Variants in SCOC observed in about 807,000 individuals in gnomAD.
SCOC encodes short coiled-coil protein, also known as short coiled coil protein.
Under a neutral mutation model 9.9 loss-of-function variants are expected in SCOC, and 7 were observed. That is an observed-to-expected ratio of 0.71 (90% CI 0.40 to 1.33). The LOEUF is 1.33. Among genes scored for constraint, SCOC ranks in the 40% most tolerant of loss-of-function variants. SCOC has a pLI of 0.01. For missense variants in SCOC, 66 were observed against 89.7 expected (o/e 0.74, Z 1.07); for synonymous variants, 19 against 28.2 (o/e 0.67, Z 1.03).
At chr4:140,312,493 G>T (rs1039986) in intron 1 of SCOC, among the ~76,000 whole-genome samples, 22,905 of 152,006 alleles carry the variant, frequency 0.15, 2,322 homozygotes, top group East Asian at 0.35. Context: ...CAGTGGTGCC[G>T]TTATAGCTCA....
intron 2 of SCOC, among the ~76,000 whole-genome samples, chr4:140,363,359 A>C (rs1367024980): frequency 6.6e-6 from 1 of 152,184 alleles, no homozygotes; most frequent in Non-Finnish European, 1.5e-5. Context: ...TTTTTCAGTA[A>C]ATATAATGGA....
intron 1 of SCOC, among the ~76,000 whole-genome samples, chr4:140,296,121 C>A (rs954743677): frequency 6.6e-6 from 1 of 152,082 alleles, no homozygotes; most frequent in Non-Finnish European, 1.5e-5. Flanking sequence ...ACTCACTGCT[C>A]CAGGCACGTT....
At chr4:140,266,741 C>A (rs77524101) in intron 1 of SCOC, among the ~76,000 whole-genome samples, 3,339 of 152,118 alleles carry the variant, frequency 0.022, 136 homozygotes, top group African/African-American at 0.076. Flanking sequence ...TCTATAATTA[C>A]GCTGTATTCA....
At chr4:140,373,922 T>G (rs1728197747) in intron 1 of SCOC, 1 of 705,874 alleles carries the variant, frequency 1.4e-6, no homozygotes, top group African/African-American at 1.7e-5. Flanking sequence ...CTTTTTCTCC[T>G]GTTTTCGTTG....
intron 2 of SCOC, among the ~76,000 whole-genome samples, chr4:140,345,638 A>G (rs1726705761): frequency 6.6e-6 from 1 of 152,234 alleles, no homozygotes; most frequent in Non-Finnish European, 1.5e-5. Context: ...GCAAAAGTAA[A>G]GCATTAAAAA....
At chr4:140,299,727 A>G (rs1288180993) in intron 1 of SCOC, among the ~76,000 whole-genome samples, 1 of 152,236 alleles carries the variant, frequency 6.6e-6, no homozygotes, top group South Asian at 2.1e-4. Flanking sequence ...AAAAATTTAG[A>G]GCAGTAGTCA....
At chr4:140,324,323 C>T (rs11100613) in intron 1 of SCOC, among the ~76,000 whole-genome samples, 30,944 of 152,030 alleles carry the variant, frequency 0.2, 3,904 homozygotes, top group African/African-American at 0.35. Context: ...CTGACTATCC[C>T]CAATCAACAC....
intron 1 of SCOC, among the ~76,000 whole-genome samples, chr4:140,375,703 A>G (rs191902764): frequency 1.3e-5 from 2 of 152,182 alleles, no homozygotes. Context: ...TATTCTCTCT[A>G]TGCGTTCTGC....
chr4:140,290,985 C>T (rs1731453690), intron 1 of SCOC, among the ~76,000 whole-genome samples: 1 of 152,200 alleles, frequency 6.6e-6, no homozygotes, highest in Admixed American at 6.5e-5. Context: ...ATGGCATAAC[C>T]TTGTTCCAGA....
At chr4:140,280,725 A>C (rs1224992177) in intron 1 of SCOC, among the ~76,000 whole-genome samples, 1 of 152,234 alleles carries the variant, frequency 6.6e-6, no homozygotes, top group Non-Finnish European at 1.5e-5. Context: ...ACCTTATAAA[A>C]TTCATCATGA....
chr4:140,362,623 C>G (rs980875953), intron 2 of SCOC: 4 of 151,836 alleles, frequency 2.6e-5, no homozygotes, highest in African/African-American at 9.7e-5. Context: ...AGGGTTTGGT[C>G]AAATAGTGGA....
Position 140,333,351 on chromosome 4 carries a change from G to GTA in SCOC, c.-18-10262_-18-10261dup, listed in dbSNP as rs776707598. ...GTGTGTTTAGGTATACATACATGTG[G>GTA]TATATATATTTGTATATACATATAA... is the stretch of plus-strand genomic sequence containing the variant. On this transcript the variant is annotated intron_variant, in intron 1 of 4. Coordinates refer to the SCOC transcript ENST00000394205. Among the ~76,000 whole-genome samples, 110 of 151,858 alleles carry GTA rather than the reference G, an allele frequency of 7.2e-4. 1 individual carries two copies. The highest frequency in any genetic ancestry group is 9.9e-4 in the Non-Finnish European group (67 of 67,960).
At chr4:140,301,578 G>T (rs1041550300) in intron 1 of SCOC, among the ~76,000 whole-genome samples, 1 of 152,154 alleles carries the variant, frequency 6.6e-6, no homozygotes, top group African/African-American at 2.4e-5. Context: ...CACCAGCAAC[G>T]TTCTGGACCT....
chr4:140,333,769 T>A (rs1257957833), intron 1 of SCOC, among the ~76,000 whole-genome samples: 2 of 152,206 alleles, frequency 1.3e-5, no homozygotes, highest in African/African-American at 4.8e-5. Flanking sequence ...TCTGACATCT[T>A]GTTGCTGGAG....
intron 1 of SCOC, among the ~76,000 whole-genome samples, chr4:140,277,744 C>G (rs1259611642): frequency 6.6e-6 from 1 of 152,096 alleles, no homozygotes; most frequent in Non-Finnish European, 1.5e-5. Context: ...AATGTGATGG[C>G]CACTGATTTC....
chr4:140,293,165 G>A (rs1346214364), intron 1 of SCOC: 2 of 395,636 alleles, frequency 5.1e-6, no homozygotes, highest in Non-Finnish European at 1.0e-5. Context: ...CATTGCACAT[G>A]CAAAGCCATT....
At chr4:140,373,404 G>C (rs1233136593), upstream of SCOC, 10 of 1,489,264 alleles carry the variant, frequency 6.7e-6, no homozygotes, top group Non-Finnish European at 9.0e-6. Flanking sequence ...CTTCTTTACT[G>C]TCATTGGCTG....
At chr4:140,340,195 C>G (rs1726450089), upstream of SCOC, among the ~76,000 whole-genome samples, 1 of 151,706 alleles carries the variant, frequency 6.6e-6, no homozygotes, top group South Asian at 2.1e-4. Flanking sequence ...CAAACTATCG[C>G]AAGGACAAAA....
chr4:140,292,668 GT>G (rs1305606443), intron 1 of SCOC, among the ~76,000 whole-genome samples: 3 of 152,330 alleles, frequency 2.0e-5, no homozygotes, highest in Admixed American at 1.3e-4. Flanking sequence ...GGGACCACCT[GT>G]TACCTTGCCG....
Sources: allele counts gnomAD v4.1 joint callset (sites outside exome capture counted in the v4.1 genomes callset), GRCh38; gene constraint gnomAD v4.1.1; transcripts MANE v1.5; gene names NCBI Gene and HGNC (gene_info 2026-07-23, HGNC 2026-07-21).